The following PCDHA2 variants were observed in gnomAD, a reference collection of about 807,000 sequenced individuals.
The protein encoded by PCDHA2 is protocadherin alpha 2.
PCDHA2 carries 58 observed loss-of-function variants against 66.0 expected under a neutral mutation model. The observed-to-expected ratio is 0.88, with a 90% CI of 0.71 to 1.09. The LOEUF is 1.09. Among genes scored for constraint, PCDHA2 ranks in the 50% least tolerant of loss-of-function variants. The pLI is 0.00. For missense variants in PCDHA2, 1,267 were observed against 1,242.3 expected (o/e 1.02, Z -0.30); for synonymous variants, 634 against 554.0 (o/e 1.14, Z -2.03).
At chr5:140,959,697 CTTTGAAAGGGA>C (rs2095506406) in intron 1 of PCDHA2, among the ~76,000 whole-genome samples, 1 of 152,008 alleles carries the variant, frequency 6.6e-6, no homozygotes, top group Non-Finnish European at 1.5e-5. Flanking sequence ...ATAAAATGAG[CTTTGAAAGGGA>C]AAATTTTTAG....
chr5:140,821,857 G>A, intron 1 of PCDHA2: 1 of 1,614,186 alleles, frequency 6.2e-7, no homozygotes, highest in South Asian at 1.1e-5. Context: ...GGCAGGGAGC[G>A]GCCAGCTCCA....
At chr5:140,869,227 G>C (rs782048898) in intron 1 of PCDHA2, 1 of 1,613,788 alleles carries the variant, frequency 6.2e-7, no homozygotes, top group South Asian at 1.1e-5. Context: ...GGCCAAACAC[G>C]GCACCTTCGT....
chr5:140,868,877 C>T (rs1554162279), intron 1 of PCDHA2: 4 of 684,224 alleles, frequency 5.8e-6, no homozygotes, highest in South Asian at 2.2e-5. Flanking sequence ...GCACAGTACT[C>T]ACAGTTTTAG....
intron 1 of PCDHA2, among the ~76,000 whole-genome samples, chr5:140,940,974 A>G (rs1206597858): frequency 6.6e-6 from 1 of 152,220 alleles, no homozygotes; most frequent in Non-Finnish European, 1.5e-5. Flanking sequence ...GATATCTGGT[A>G]TCTAGTTACA....
chr5:141,009,874 G>A lies in PCDHA2; in HGVS notation c.2784G>A (p.Lys928=), dbSNP rs1554262519. The A allele has an allele frequency of 6.2e-7, 1 of 1,613,836 alleles. No individual in the cohort carries two copies. Among genetic ancestry groups the A allele is most frequent in the African/African-American group, 1.3e-5 (1 of 74,824 alleles). ...CCAAGAAAAAGAAGAAAAAGAAGAA[G>A]GGTAACAAGACCCAGGAGAAAAAAG... ...EETKKKKKKK[K]GNKTQEKKEK... is the part of the protein sequence containing the mutation. Residue 928 remains lysine, a synonymous_variant, in exon 4 of 4, where the codon AAG becomes AAA. Transcript: ENST00000526136.
In PCDHA2 at chr5:140,940,501, C is replaced by T. The variant is rs542798581; in HGVS notation, c.2389-38448C>T. Among the ~76,000 whole-genome samples, 272 of 152,010 alleles carry T rather than the reference C, an allele frequency of 1.8e-3. 2 individuals are homozygous for T. The highest frequency in any genetic ancestry group is 6.1e-3 in the African/African-American group (254 of 41,464). Reference sequence around the variant, plus strand: ...TTTTTCAAGACAAGTCTTGCTCCGTCGCTCAGGCGTGATCATAGCTCACTG... The same window carrying T: ...TTTTTCAAGACAAGTCTTGCTCCGTTGCTCAGGCGTGATCATAGCTCACTG... On this transcript the variant is annotated intron_variant, in intron 1 of 3. Coordinates refer to ENST00000526136, the MANE Select transcript of PCDHA2 (RefSeq NM_018905.3).
intron 1 of PCDHA2, among the ~76,000 whole-genome samples, chr5:140,924,539 C>T (rs1554201995): frequency 6.6e-6 from 1 of 152,050 alleles, no homozygotes; most frequent in African/African-American, 2.4e-5. Flanking sequence ...CCGAGCTACC[C>T]CTCTCCCCAC....
intron 1 of PCDHA2, chr5:140,805,115 G>C: frequency 6.3e-7 from 1 of 1,588,154 alleles, no homozygotes; most frequent in East Asian, 2.2e-5. Flanking sequence ...TGTCTAACAA[G>C]ACTCTTGGCA....
chr5:140,827,237 T>G (rs2150146778), intron 1 of PCDHA2, among the ~76,000 whole-genome samples: 1 of 152,254 alleles, frequency 6.6e-6, no homozygotes, highest in South Asian at 2.1e-4. Flanking sequence ...GGGACAGGGT[T>G]GAAGTTGAGA....
chr5:140,851,949 A>T, intron 1 of PCDHA2: 1 of 974,358 alleles, frequency 1.0e-6, no homozygotes, highest in Non-Finnish European at 1.2e-6. Context: ...TGTGACTTTC[A>T]AAATGGTGGT....
At chr5:140,824,286 AG>A in intron 1 of PCDHA2, 1 of 1,021,950 alleles carries the variant, frequency 9.8e-7, no homozygotes, top group East Asian at 2.4e-5. Flanking sequence ...GCTTTTTATG[AG>A]GCTTTTCTGC....
intron 1 of PCDHA2, among the ~76,000 whole-genome samples, chr5:140,832,431 A>AT (rs1176475006): frequency 6.6e-6 from 1 of 152,192 alleles, no homozygotes; most frequent in Non-Finnish European, 1.5e-5. Flanking sequence ...GTACATGATA[A>AT]TTTTTAAGCG....
chr5:140,841,433 G>C, intron 1 of PCDHA2: 1 of 1,612,986 alleles, frequency 6.2e-7, no homozygotes, highest in Non-Finnish European at 8.5e-7. Flanking sequence ...CGTCCCCGAG[G>C]AGGCCAAACA....
At chr5:140,816,107 T>C (rs1429188070) in intron 1 of PCDHA2, 1 of 152,208 alleles carries the variant, frequency 6.6e-6, no homozygotes, top group Non-Finnish European at 1.5e-5. Flanking sequence ...TTTTCTCTTA[T>C]GGCTTCTTCT....
chr5:140,899,846 C>T (rs1554188760), intron 1 of PCDHA2, among the ~76,000 whole-genome samples: 1 of 152,142 alleles, frequency 6.6e-6, no homozygotes, highest in African/African-American at 2.4e-5. Flanking sequence ...CTTGCTGTGT[C>T]ACCCAGGCTG....
At chr5:140,949,694 G>C (rs1447787366) in intron 1 of PCDHA2, among the ~76,000 whole-genome samples, 1 of 151,590 alleles carries the variant, frequency 6.6e-6, no homozygotes, top group Non-Finnish European at 1.5e-5. Context: ...CGTATTGTTG[G>C]ATCTTGCTGT....
intron 1 of PCDHA2, among the ~76,000 whole-genome samples, chr5:140,925,793 A>G (rs1261267937): frequency 6.6e-6 from 1 of 152,074 alleles, no homozygotes; most frequent in African/African-American, 2.4e-5. Context: ...GTATCTCAGT[A>G]CTTTCCCCTC....
At chr5:140,884,820 T>A (rs1318105542) in intron 1 of PCDHA2, 2 of 1,013,184 alleles carry the variant, frequency 2.0e-6, no homozygotes, top group Non-Finnish European at 2.8e-6. Context: ...GTGGACATTA[T>A]GTGTTGGATT....
intron 2 of PCDHA2, among the ~76,000 whole-genome samples, chr5:140,980,525 G>C (rs1554241939): frequency 6.6e-6 from 1 of 152,166 alleles, no homozygotes; most frequent in African/African-American, 2.4e-5. Context: ...AGCTACTAGG[G>C]AGGCTGAGGC....
Sources: gnomAD v4.1 joint callset for allele counts (sites outside exome capture counted in the v4.1 genomes callset) on GRCh38, gnomAD v4.1.1 for gene constraint, MANE v1.5 for transcripts, NCBI Gene and HGNC (gene_info 2026-07-23, HGNC 2026-07-21) for gene names.